Variants in CNTNAP2 observed in about 807,000 individuals in gnomAD.
CNTNAP2 encodes contactin-associated protein-like 2.
A neutral mutation model predicts 155.2 loss-of-function variants in CNTNAP2; 98 were observed. That is an observed-to-expected ratio of 0.63 (90% CI 0.54 to 0.75). CNTNAP2 has a LOEUF of 0.75. CNTNAP2 is among the 30% of genes least tolerant of loss of function. The pLI, the probability that CNTNAP2 is intolerant of heterozygous loss-of-function variation, is 0.00. For missense variants in CNTNAP2, 1,727 were observed against 1,688.1 expected, an observed-to-expected ratio of 1.02 and a Z score of -0.40; for synonymous variants, 651 against 631.2, an observed-to-expected ratio of 1.03 and a Z score of -0.47.
chr7:147,813,325 T>A (rs1202660110), intron 13 of CNTNAP2, among the ~76,000 whole-genome samples: 3 of 152,152 alleles, frequency 2.0e-5, no homozygotes, highest in African/African-American at 7.2e-5. Flanking sequence ...GGCAAGTCAA[T>A]GGGATGGTTT....
At chr7:148,119,351 A>G (rs1472312635) in intron 16 of CNTNAP2, among the ~76,000 whole-genome samples, 6 of 141,970 alleles carry the variant, frequency 4.2e-5, no homozygotes, top group Non-Finnish European at 9.1e-5. Context: ...GTGAAACCCC[A>G]TCTCTACTAA....
At chr7:147,427,119 GAGA>G (rs1387880062) in intron 10 of CNTNAP2, among the ~76,000 whole-genome samples, 2 of 152,138 alleles carry the variant, frequency 1.3e-5, no homozygotes, top group Non-Finnish European at 2.9e-5. Flanking sequence ...TCCTTCAGAG[GAGA>G]AGAATGCAGT....
intron 13 of CNTNAP2, among the ~76,000 whole-genome samples, chr7:147,692,369 CAAA>C (rs1291297679): frequency 2.4e-4 from 37 of 152,030 alleles, no homozygotes; most frequent in Non-Finnish European, 7.4e-5. Flanking sequence ...GGGTAAATAC[CAAA>C]CAACACTATT....
At chr7:146,195,464 A>G (rs1165190736) in intron 1 of CNTNAP2, among the ~76,000 whole-genome samples, 1 of 152,194 alleles carries the variant, frequency 6.6e-6, no homozygotes, top group Non-Finnish European at 1.5e-5. Context: ...CTTTTCACTC[A>G]GTGGCTTCTT....
intron 1 of CNTNAP2, among the ~76,000 whole-genome samples, chr7:146,321,643 G>T (rs756528108): frequency 9.9e-5 from 15 of 152,258 alleles, no homozygotes; most frequent in South Asian, 4.1e-4. Flanking sequence ...ACCTCAGTGT[G>T]ATTTTGCTCC....
At chr7:148,360,810 C>CTTTTTTTTTT (rs1177933137) in intron 21 of CNTNAP2, among the ~76,000 whole-genome samples, 3 of 138,684 alleles carry the variant, frequency 2.2e-5, no homozygotes, top group African/African-American at 7.8e-5. Context: ...TCTTTTTTTT[C>CTTTTTTTTTT]TTTTTCTTTT....
chr7:147,074,612 C>G (rs867487573), intron 4 of CNTNAP2, among the ~76,000 whole-genome samples: 3 of 151,956 alleles, frequency 2.0e-5, no homozygotes. Flanking sequence ...TTTAGAAGTT[C>G]TATTTATAAG....
chr7:147,905,989 A>G (rs1799951273), intron 14 of CNTNAP2, among the ~76,000 whole-genome samples: 1 of 152,136 alleles, frequency 6.6e-6, no homozygotes, highest in Non-Finnish European at 1.5e-5. Context: ...TCTTGGAGGA[A>G]GAGGCATAAA....
chr7:146,675,314 A>T (rs1054704858), intron 1 of CNTNAP2, among the ~76,000 whole-genome samples: 2 of 152,136 alleles, frequency 1.3e-5, no homozygotes, highest in Admixed American at 6.5e-5. Flanking sequence ...CTGATCTTGG[A>T]TCATCTGAAA....
At chr7:148,150,465 G>A (rs1235832818) in intron 17 of CNTNAP2, among the ~76,000 whole-genome samples, 1 of 151,988 alleles carries the variant, frequency 6.6e-6, no homozygotes, top group Non-Finnish European at 1.5e-5. Flanking sequence ...GGAGAATGGT[G>A]TGAACCCGGG....
intron 20 of CNTNAP2, among the ~76,000 whole-genome samples, chr7:148,263,929 G>T (rs1208494215): frequency 6.6e-6 from 1 of 152,088 alleles, no homozygotes; most frequent in Non-Finnish European, 1.5e-5. Flanking sequence ...GTCTAGTCTG[G>T]ATCTGCAGAA....
chr7:146,556,838 T>G (rs1346537930), intron 1 of CNTNAP2, among the ~76,000 whole-genome samples: 1 of 151,348 alleles, frequency 6.6e-6, no homozygotes, highest in Non-Finnish European at 1.5e-5. Flanking sequence ...TAAATCTCCC[T>G]TGCCTTGGTG....
At chr7:147,333,374 A>G (rs1795608755) in intron 9 of CNTNAP2, among the ~76,000 whole-genome samples, 1 of 152,218 alleles carries the variant, frequency 6.6e-6, no homozygotes, top group Middle Eastern at 3.2e-3. Flanking sequence ...CACTTTAGGC[A>G]TAATAAGTAA....
chr7:148,060,996 T>C (rs1803117500), intron 15 of CNTNAP2, among the ~76,000 whole-genome samples: 1 of 152,104 alleles, frequency 6.6e-6, no homozygotes, highest in South Asian at 2.1e-4. Context: ...GAAACAGAAA[T>C]TGAGAGTTTG....
chr7:146,748,198 T>A (rs1174276941), intron 1 of CNTNAP2, among the ~76,000 whole-genome samples: 1 of 141,846 alleles, frequency 7.0e-6, no homozygotes, highest in Non-Finnish European at 1.5e-5. Flanking sequence ...CAGGCTGGAG[T>A]ACAGTGGTCG....
intron 10 of CNTNAP2, among the ~76,000 whole-genome samples, chr7:147,477,950 A>G (rs567016402): frequency 6.6e-6 from 1 of 152,310 alleles, no homozygotes; most frequent in East Asian, 1.9e-4. Context: ...AACCCAACCT[A>G]TGGTTGTACA....
chr7:147,719,687 C>G (rs377187202), intron 13 of CNTNAP2, among the ~76,000 whole-genome samples: 7 of 152,186 alleles, frequency 4.6e-5, no homozygotes, highest in African/African-American at 1.7e-4. Context: ...TAAGTCTAAG[C>G]TATTTAATAT....
At chr7:147,177,305 G>A (rs1397175761) in intron 8 of CNTNAP2, among the ~76,000 whole-genome samples, 1 of 151,944 alleles carries the variant, frequency 6.6e-6, no homozygotes, top group Non-Finnish European at 1.5e-5. Flanking sequence ...TGATGGGAGC[G>A]GTTTCCCCCA....
chr7:148,280,312 A>C (rs1796950204), intron 21 of CNTNAP2, among the ~76,000 whole-genome samples: 1 of 152,158 alleles, frequency 6.6e-6, no homozygotes, highest in African/African-American at 2.4e-5. Context: ...CCATCTCAAA[A>C]ATTTAAAAAT....
Sources: allele counts gnomAD v4.1 joint callset (sites outside exome capture counted in the v4.1 genomes callset), GRCh38; gene constraint gnomAD v4.1.1; transcripts MANE v1.5; gene names NCBI Gene and HGNC (gene_info 2026-07-23, HGNC 2026-07-21).